The following MPRIP variants were observed in gnomAD, a reference collection of about 807,000 sequenced individuals.
MPRIP encodes myosin phosphatase Rho-interacting protein.
In MPRIP, 59 loss-of-function variants were observed where a neutral mutation model predicts 234.9. The ratio of observed to expected loss-of-function variants is 0.25; its 90% CI spans 0.20 to 0.31. MPRIP has a LOEUF of 0.31. Among genes scored for constraint, MPRIP ranks in the 10% least tolerant of loss-of-function variants. MPRIP has a pLI of 1.00. For synonymous variants in MPRIP, 1,144 were observed against 1,263.9 expected (o/e 0.91, Z 2.01); for missense variants, 2,436 against 3,071.0 (o/e 0.79, Z 4.89).
Position 17,042,812 on chromosome 17 carries a change from C to G in MPRIP, c.-37C>G. The stretch of plus-strand genomic sequence containing the variant: ...GGGAGCGCCAGGCCGGCCAGGCCTG[C>G]GCCGCCGCCGCCGCCGCCGTCGCCG... On this transcript the variant is annotated 5_prime_UTR_variant, in exon 1 of 24. Transcript: ENST00000651222. 1 of 1,290,374 alleles carries G rather than the reference C, an allele frequency of 7.7e-7. No homozygotes were observed. The highest frequency in any genetic ancestry group is 1.0e-6 in the Non-Finnish European group (1 of 997,146). 79.9% of individuals were successfully genotyped at this position (1,290,374 alleles called of 1,614,324 possible).
At chr17:17,172,643 C>T in intron 17 of MPRIP, 55 bp from the exon 18 acceptor site, 2 of 1,440,634 alleles carry the variant, frequency 1.4e-6, no homozygotes, top group Non-Finnish European at 1.9e-6. Flanking sequence ...ACCCCCACCC[C>T]TGTCAGCAGG....
In MPRIP at chr17:17,165,839, C is replaced by G; in HGVS notation, c.4248C>G (p.Leu1416=). The change falls in exon 16 of 24, where the codon CTC becomes CTG. Residue 1416 remains leucine (L), a synonymous_variant. Transcript: ENST00000651222. ...AGGGTCAGAGCCGTGAGGCACTGCT[C>G]GCACTGCACCACCAGTGGGCGGGCA... is the stretch of plus-strand genomic sequence containing the variant. ...SQQGQSREAL[L]ALHHQWAGTE... 7.7e-7 allele frequency: 1 copy of G among 1,304,258 alleles called. No homozygotes were observed. Among genetic ancestry groups the G allele is most frequent in the Non-Finnish European group, 1.0e-6 (1 of 988,990 alleles). 80.8% of individuals were successfully genotyped at this position (1,304,258 alleles called of 1,614,324 possible).
At chr17:17,107,557 G>A (rs1235099268) in intron 3 of MPRIP, among the ~76,000 whole-genome samples, 2 of 152,214 alleles carry the variant, frequency 1.3e-5, no homozygotes, top group African/African-American at 4.8e-5. Flanking sequence ...GCTTCCTCTG[G>A]AGTTCAGTGT....
intron 3 of MPRIP, among the ~76,000 whole-genome samples, chr17:17,110,549 C>T (rs1181166930): frequency 6.6e-6 from 1 of 152,160 alleles, no homozygotes; most frequent in East Asian, 1.9e-4. Flanking sequence ...TGGTGACTTC[C>T]TTCCAGAGAG....
At chr17:17,116,614 A>G (rs953766758) in intron 3 of MPRIP, among the ~76,000 whole-genome samples, 2 of 152,220 alleles carry the variant, frequency 1.3e-5, no homozygotes, top group Non-Finnish European at 2.9e-5. Flanking sequence ...AGCTGGCCTC[A>G]TCTAGCCAAG....
chr17:17,111,587 A>G (rs951385741), intron 3 of MPRIP, among the ~76,000 whole-genome samples: 4 of 152,330 alleles, frequency 2.6e-5, no homozygotes, highest in Admixed American at 6.5e-5. Flanking sequence ...CTGAGAGACC[A>G]TGCTGGGGAA....
intron 23 of MPRIP, among the ~76,000 whole-genome samples, chr17:17,184,600 A>AT (rs1003817466): frequency 7.3e-5 from 11 of 151,646 alleles, no homozygotes; most frequent in Admixed American, 1.3e-4. Flanking sequence ...TGTCTCTCTG[A>AT]TTTTTTTTTC....
intron 12 of MPRIP, among the ~76,000 whole-genome samples, chr17:17,152,877 C>T (rs569512137): frequency 2.1e-4 from 32 of 152,180 alleles, no homozygotes; most frequent in African/African-American, 5.1e-4. Context: ...AAGAAGGCCC[C>T]GCCCACTGAG....
intron 10 of MPRIP, among the ~76,000 whole-genome samples, chr17:17,146,637 T>C (rs2045472151): frequency 6.6e-6 from 1 of 152,218 alleles, no homozygotes; most frequent in African/African-American, 2.4e-5. Flanking sequence ...CCAGCCCACC[T>C]TGACCCTGTG....
intron 1 of MPRIP, among the ~76,000 whole-genome samples, chr17:17,051,186 G>T (rs1332292168): frequency 1.3e-5 from 2 of 152,192 alleles, no homozygotes; most frequent in African/African-American, 4.8e-5. Flanking sequence ...GGGGGAAGTA[G>T]CCTTTCTTTG....
At chr17:17,073,583 T>G (rs2089253155) in intron 1 of MPRIP, among the ~76,000 whole-genome samples, 1 of 152,160 alleles carries the variant, frequency 6.6e-6, no homozygotes, top group African/African-American at 2.4e-5. Flanking sequence ...GCCTCTGGCC[T>G]CACAGGTGGG....
chr17:17,108,923 AC>A (rs980848910), intron 3 of MPRIP, among the ~76,000 whole-genome samples: 14 of 152,068 alleles, frequency 9.2e-5, no homozygotes, highest in Non-Finnish European at 2.9e-5. Flanking sequence ...ATCTGAAGCC[AC>A]CAGTGGCAGC....
intron 23 of MPRIP, among the ~76,000 whole-genome samples, 174 bp from the exon 24 acceptor site, chr17:17,184,649 C>T (rs1283097401): frequency 2.0e-5 from 3 of 152,090 alleles, no homozygotes; most frequent in African/African-American, 7.2e-5. Flanking sequence ...GGAAAACATC[C>T]TCCAATAACA....
chr17:17,118,631 G>A (rs1007519024), intron 3 of MPRIP, among the ~76,000 whole-genome samples: 4 of 152,198 alleles, frequency 2.6e-5, no homozygotes, highest in South Asian at 4.1e-4. Context: ...CGACTGGGAA[G>A]GGGGAAGGGA....
At position 17,168,889 on chromosome 17, in the gene MPRIP, G is replaced by T. The variant is rs1453452438; in HGVS notation, c.6324+974G>T. 10 of 456,566 alleles carry T rather than the reference G, an allele frequency of 2.2e-5. No individual in the cohort carries two copies. The East Asian group carries it at 5.6e-4, about 25-fold the overall frequency. The allele number at this position is 456,566 out of a possible 1,614,324, so 28.3% of individuals were successfully genotyped here. ...GCAAGCTCCTGACTCCCAGGTGGCT[G>T]CCACTGCTCCTGCCTACACATCCTC... is the stretch of plus-strand genomic sequence containing the variant. On this transcript the variant is annotated intron_variant, in intron 16 of 23. Coordinates refer to ENST00000651222, the MANE Select transcript of MPRIP (RefSeq NM_001364716.4).
In MPRIP at chr17:17,140,865, T is replaced by C. The variant is rs1051245508; in HGVS notation, c.1251-1762T>C. ...ACCCCCCTGCCCTCAGCACAGCGGTTAGTGCCCTGGGAACCCTGGAGCTGC... is the reference window on the plus strand; with the variant it reads ...ACCCCCCTGCCCTCAGCACAGCGGTCAGTGCCCTGGGAACCCTGGAGCTGC... On this transcript the variant is annotated intron_variant, in intron 7 of 23. Transcript: ENST00000651222. 2.6e-5 allele frequency among the ~76,000 whole-genome samples: 4 copies of C among 152,170 alleles called. No homozygotes were observed. In the East Asian group the frequency reaches 5.8e-4, roughly 22 times the overall value.
At chr17:17,099,458 T>TAGAC (rs1437307452) in intron 3 of MPRIP, among the ~76,000 whole-genome samples, 9 of 152,188 alleles carry the variant, frequency 5.9e-5, no homozygotes, top group African/African-American at 1.9e-4. Context: ...AGCTAAAATG[T>TAGAC]AGACAAGAGC....
chr17:17,180,550 G>C (rs995765179), intron 23 of MPRIP: 2 of 1,514,114 alleles, frequency 1.3e-6, no homozygotes, highest in African/African-American at 1.4e-5. Flanking sequence ...GGTGGGAGCG[G>C]CACCGCGTGT....
In MPRIP at chr17:17,184,751, T is replaced by C. The variant is rs1597536525; in HGVS notation, c.7207-72T>C. On this transcript the variant is annotated intron_variant, in intron 23 of 23. Coordinates refer to ENST00000651222, the MANE Select transcript of MPRIP (RefSeq NM_001364716.4). Reference sequence around the variant, plus strand: ...TGCCGGCTCCACCAGCGGTCCGGTCTGGTCCGGTCCGGTCCAGTGCAGGGG... The same window carrying C: ...TGCCGGCTCCACCAGCGGTCCGGTCCGGTCCGGTCCGGTCCAGTGCAGGGG... 10 of 1,216,892 alleles carry C rather than the reference T, an allele frequency of 8.2e-6. No homozygotes were observed. In the South Asian group the frequency reaches 9.8e-5, roughly 12 times the overall value. The allele number at this position is 1,216,892 out of a possible 1,614,324, so 75.4% of individuals were successfully genotyped here. A position where few individuals can be genotyped will look rare whatever the true frequency, so the allele number is the denominator to read the frequency against.
Sources: gnomAD v4.1 joint callset for allele counts (sites outside exome capture counted in the v4.1 genomes callset) on GRCh38, gnomAD v4.1.1 for gene constraint, MANE v1.5 for transcripts, NCBI Gene and HGNC (gene_info 2026-07-23, HGNC 2026-07-21) for gene names.